Variants in PTPRN2 observed in about 807,000 individuals in gnomAD.
PTPRN2 encodes protein tyrosine phosphatase receptor type N2.
PTPRN2 carries 74 observed loss-of-function variants against 118.8 expected under a neutral mutation model. That is an observed-to-expected ratio of 0.62 (90% CI 0.52 to 0.76). PTPRN2 has a LOEUF of 0.76. PTPRN2 is among the 30% of genes least tolerant of loss of function. PTPRN2 has a pLI of 0.00. For synonymous variants in PTPRN2, 641 were observed against 608.0 expected, an observed-to-expected ratio of 1.05 and a Z score of -0.80; for missense variants, 1,481 against 1,394.4, an observed-to-expected ratio of 1.06 and a Z score of -0.99.
At chr7:158,195,549 C>T (rs1275816910) in intron 4 of PTPRN2, among the ~76,000 whole-genome samples, 1 of 151,686 alleles carries the variant, frequency 6.6e-6, no homozygotes, top group Non-Finnish European at 1.5e-5. Context: ...GTTCCTGTCT[C>T]TCCCGCCTTG....
chr7:157,705,160 G>T (rs1193704883), intron 12 of PTPRN2, among the ~76,000 whole-genome samples: 1 of 152,166 alleles, frequency 6.6e-6, no homozygotes, highest in Non-Finnish European at 1.5e-5. Flanking sequence ...AAAAAAATTA[G>T]CTGGGCATGG....
intron 11 of PTPRN2, among the ~76,000 whole-genome samples, chr7:158,046,071 C>G (rs1281128747): frequency 6.8e-6 from 1 of 147,272 alleles, no homozygotes. Context: ...ACACTGCAAT[C>G]CTGGTGTCCT....
At chr7:157,650,784 T>G (rs7781416) in intron 14 of PTPRN2, among the ~76,000 whole-genome samples, 42,716 of 152,020 alleles carry the variant, frequency 0.28, 6,133 homozygotes, top group Non-Finnish European at 0.3. Context: ...CCCTTTCTGC[T>G]GCAGCTGGTG....
chr7:158,586,997 C>A (rs927356766), intron 1 of PTPRN2, among the ~76,000 whole-genome samples: 5 of 152,092 alleles, frequency 3.3e-5, no homozygotes, highest in Non-Finnish European at 7.4e-5. Flanking sequence ...CTGCTCCGAG[C>A]CCCCAGTGAG....
chr7:157,961,468 G>T (rs1317898518), intron 11 of PTPRN2, among the ~76,000 whole-genome samples: 2 of 151,938 alleles, frequency 1.3e-5, no homozygotes, highest in Non-Finnish European at 2.9e-5. Context: ...GGGAGGTGGA[G>T]GTTGCAGTGA....
chr7:157,547,318 G>A (rs555448406), intron 22 of PTPRN2, among the ~76,000 whole-genome samples: 1 of 152,276 alleles, frequency 6.6e-6, no homozygotes, highest in South Asian at 2.1e-4. Context: ...AAGGTGGTAT[G>A]TGCCAGCCTT....
intron 3 of PTPRN2, among the ~76,000 whole-genome samples, chr7:158,309,938 G>A (rs568094756): frequency 3.1e-4 from 47 of 152,262 alleles, no homozygotes; most frequent in South Asian, 1.7e-3. Flanking sequence ...GTGTCCATAC[G>A]AAAGAGATCC....
Position 158,563,957 on chromosome 7 carries a change from C to T in PTPRN2, c.112+23601G>A, listed in dbSNP as rs142476619. ...GATGCCACAGTGCCTGGGATGTCTA[C>T]GAAACACACATCATGACAGCTCCTG... On this transcript the variant is annotated intron_variant, in intron 1 of 22. Coordinates refer to ENST00000389418, the MANE Select transcript of PTPRN2 (RefSeq NM_002847.5). The surrounding 1 kb of genome is among the most constrained non-coding windows in gnomAD (Gnocchi z 5.1). Among the ~76,000 whole-genome samples, 1,533 of 152,264 alleles carry T rather than the reference C, an allele frequency of 0.01. 29 individuals carry two copies. The highest frequency in any genetic ancestry group is 0.035 in the African/African-American group (1,462 of 41,528).
At position 157,795,175 on chromosome 7, in the gene PTPRN2, G is replaced by A. The variant is rs563020339; in HGVS notation, c.1788+103498C>T. On this transcript the variant is annotated intron_variant, in intron 12 of 22. Transcript: ENST00000389418. ...TTCGGCGGGGTCGGGGGCGGGGGGG[G>A]CTCAAGCTAAAAGCCCCTCACCTGT... Among the ~76,000 whole-genome samples the A allele has an allele frequency of 1.1e-3, 149 of 131,652 alleles. 1 individual carries two copies. The highest frequency in any genetic ancestry group is 4.5e-3 in the Middle Eastern group (1 of 220). The allele number at this position is 131,652 out of a possible 152,430, so 86.4% of individuals were successfully genotyped here.
At position 158,509,303 on chromosome 7, in the gene PTPRN2, A is replaced by C. The variant is rs1823010174; in HGVS notation, c.113-19518T>G. Among the ~76,000 whole-genome samples, 1 of 152,174 alleles carries C rather than the reference A, an allele frequency of 6.6e-6. No homozygotes were observed. Among genetic ancestry groups the C allele is most frequent in the Non-Finnish European group, 1.5e-5 (1 of 68,028 alleles). On this transcript the variant is annotated intron_variant, in intron 1 of 22. Transcript: ENST00000389418. The surrounding 1 kb of genome is among the most constrained non-coding windows in gnomAD (Gnocchi z 4.4). ...GTCAGTCACAGCATCGGAAGAATGA[A>C]TAGTGCTCCCTGATCCCTAACGTGC...
intron 11 of PTPRN2, chr7:158,030,530 G>A (rs1807610101): frequency 6.6e-6 from 1 of 152,304 alleles, no homozygotes; most frequent in Non-Finnish European, 1.5e-5. Context: ...GGCCATCAGA[G>A]TGGCTCCTAA....
intron 8 of PTPRN2, among the ~76,000 whole-genome samples, 158 bp from the exon 9 acceptor site, chr7:158,134,217 A>C (rs1818621045): frequency 6.6e-6 from 1 of 152,192 alleles, no homozygotes; most frequent in Non-Finnish European, 1.5e-5. Flanking sequence ...GTCTATATTT[A>C]GAATGATGTC....
At chr7:158,164,649 C>T (rs1385870688) in intron 6 of PTPRN2, among the ~76,000 whole-genome samples, 2 of 152,112 alleles carry the variant, frequency 1.3e-5, no homozygotes, top group Non-Finnish European at 2.9e-5. Context: ...CTGATGGGGG[C>T]GACGATGTTT....
chr7:158,207,952 T>C (rs898827063), intron 3 of PTPRN2, among the ~76,000 whole-genome samples: 3 of 152,124 alleles, frequency 2.0e-5, no homozygotes, highest in Non-Finnish European at 4.4e-5. Context: ...ATTAGAATAA[T>C]TAAAAACAAT....
rs187362472 is a variant in PTPRN2 at position 158,323,776 on chromosome 7, A to G, written c.164-6844T>C. 3.7e-3 allele frequency among the ~76,000 whole-genome samples: 570 copies of G among 152,200 alleles called. 4 individuals are homozygous for G. Among genetic ancestry groups the G allele is most frequent in the African/African-American group, 0.013 (529 of 41,522 alleles). On this transcript the variant is annotated intron_variant, in intron 2 of 22. Coordinates refer to ENST00000389418, the MANE Select transcript of PTPRN2 (RefSeq NM_002847.5). The stretch of plus-strand genomic sequence containing the variant: ...TCCTCCAGGACCAAGCTTCCAGCCC[A>G]CTTCTATTCTCATATAGTCTGTGGG...
intron 11 of PTPRN2, among the ~76,000 whole-genome samples, chr7:158,009,581 A>T (rs1315799897): frequency 6.6e-6 from 1 of 152,204 alleles, no homozygotes; most frequent in East Asian, 1.9e-4. Context: ...CTTAATCAAA[A>T]ATCTTAGATG....
At chr7:158,511,416 G>A (rs1478416517) in intron 1 of PTPRN2, among the ~76,000 whole-genome samples, 6 of 152,066 alleles carry the variant, frequency 3.9e-5, no homozygotes, top group Admixed American at 1.3e-4. Flanking sequence ...ACTTGGAAGG[G>A]AGAACCCACG....
intron 12 of PTPRN2, among the ~76,000 whole-genome samples, chr7:157,683,734 AC>A (rs1253334877): frequency 6.6e-6 from 1 of 152,138 alleles, no homozygotes; most frequent in African/African-American, 2.4e-5. Flanking sequence ...ACTTGTCTCC[AC>A]GTGCAAATAG....
At chr7:157,687,679 A>G (rs373500932) in intron 12 of PTPRN2, among the ~76,000 whole-genome samples, 68 of 152,350 alleles carry the variant, frequency 4.5e-4, no homozygotes, top group African/African-American at 1.5e-3. Flanking sequence ...TTGCTGGATG[A>G]ATCCTCTTAG....
Sources: allele counts gnomAD v4.1 joint callset (sites outside exome capture counted in the v4.1 genomes callset), GRCh38; gene constraint gnomAD v4.1.1; non-coding constraint Gnocchi (gnomAD v3.1); transcripts MANE v1.5; gene names NCBI Gene and HGNC (gene_info 2026-07-23, HGNC 2026-07-21).